DIAPH3: variants seen among roughly 807,000 people sequenced by gnomAD.
The protein encoded by DIAPH3 is protein diaphanous homolog 3.
In DIAPH3, 117 loss-of-function variants were observed where a neutral mutation model predicts 144.3. The observed-to-expected ratio is 0.81, with a 90% CI of 0.70 to 0.95. The LOEUF (loss-of-function observed/expected upper bound fraction) is 0.95, where lower values mean the gene tolerates loss of function less well. Among genes scored for constraint, DIAPH3 ranks in the 40% least tolerant of loss-of-function variants. DIAPH3 has a pLI of 0.00. For missense variants in DIAPH3, 1,421 were observed against 1,412.7 expected (o/e 1.01, Z -0.09); for synonymous variants, 519 against 488.9 (o/e 1.06, Z -0.81).
chr13:59,789,717 A>G (rs1332218722), intron 25 of DIAPH3, among the ~76,000 whole-genome samples: 4 of 152,140 alleles, frequency 2.6e-5, no homozygotes, highest in Non-Finnish European at 5.9e-5. Flanking sequence ...GCGCACTGGA[A>G]GAAGGGGAAA....
chr13:59,757,429 C>T (rs2037340420), intron 27 of DIAPH3, among the ~76,000 whole-genome samples: 2 of 100,914 alleles, frequency 2.0e-5, no homozygotes. Context: ...GAGATGGAGT[C>T]TTGCTCTGTC....
At chr13:59,775,341 T>C (rs1566291702) in intron 25 of DIAPH3, among the ~76,000 whole-genome samples, 1 of 152,060 alleles carries the variant, frequency 6.6e-6, no homozygotes, top group Non-Finnish European at 1.5e-5. Context: ...CTTCCAGGTT[T>C]ACGCCATCCT....
Position 60,145,475 on chromosome 13 carries a change from G to A in DIAPH3, c.181-12486C>T, listed in dbSNP as rs188384764. On this transcript the variant is annotated intron_variant, in intron 1 of 27. Transcript: ENST00000400324. ...ATCCTGGCTAACACAGTGAAACCCC[G>A]TCTCTACTAAAAAAAATACAAAAAA... is the stretch of plus-strand genomic sequence containing the variant. 2.2e-3 allele frequency among the ~76,000 whole-genome samples: 330 copies of A among 152,174 alleles called. 4 individuals are homozygous for A. Among genetic ancestry groups the A allele is most frequent in the African/African-American group, 7.6e-3 (315 of 41,508 alleles).
Position 60,163,632 on chromosome 13 carries a change from C to T in DIAPH3, c.135G>A (p.Pro45=). Residue 45 remains proline (P), a synonymous_variant, in exon 1 of 28, where the codon CCG becomes CCA. Coordinates refer to ENST00000400324, the MANE Select transcript of DIAPH3 (RefSeq NM_001042517.2). ...MPRRKGPQHP[P]PPSGPEEPGE... is the part of the protein sequence containing the mutation. The stretch of plus-strand genomic sequence containing the variant: ...CAGGCTCCTCGGGGCCACTGGGCGG[C>T]GGAGGGTGTTGGGGGCCCTTCCTGC... The T allele has an allele frequency of 1.2e-6, 2 of 1,605,398 alleles. No individual in the cohort carries two copies. Among genetic ancestry groups the T allele is most frequent in the Non-Finnish European group, 8.5e-7 (1 of 1,173,874 alleles).
At chr13:59,771,440 T>G (rs773027415) in intron 27 of DIAPH3, among the ~76,000 whole-genome samples, 1 of 152,138 alleles carries the variant, frequency 6.6e-6, no homozygotes, top group Non-Finnish European at 1.5e-5. Flanking sequence ...ATTATTTTCA[T>G]AATCCAAACC....
chr13:59,840,809 C>T (rs2042298838), intron 22 of DIAPH3, among the ~76,000 whole-genome samples: 1 of 93,014 alleles, frequency 1.1e-5, no homozygotes, highest in Non-Finnish European at 2.3e-5. Flanking sequence ...TGCATATTTT[C>T]TCAGTAGGTT....
chr13:59,828,007 C>G (rs1177740554), intron 24 of DIAPH3, among the ~76,000 whole-genome samples: 1 of 151,904 alleles, frequency 6.6e-6, no homozygotes, highest in African/African-American at 2.4e-5. Context: ...GAATCTAAAA[C>G]CAGTCACAAA....
chr13:59,998,435 A>T (rs2140876500), intron 9 of DIAPH3, among the ~76,000 whole-genome samples: 1 of 152,278 alleles, frequency 6.6e-6, no homozygotes, highest in Admixed American at 6.5e-5. Flanking sequence ...TCCAATACCC[A>T]GCATAGCCCA....
At chr13:59,684,864 T>C (rs1165112028) in intron 27 of DIAPH3, among the ~76,000 whole-genome samples, 1 of 152,318 alleles carries the variant, frequency 6.6e-6, no homozygotes, top group East Asian at 1.9e-4. Flanking sequence ...ATAGTATCGT[T>C]AAATTCCTGG....
chr13:59,837,127 A>G (rs551143496), intron 23 of DIAPH3, among the ~76,000 whole-genome samples: 3 of 152,190 alleles, frequency 2.0e-5, no homozygotes, highest in East Asian at 1.9e-4. Context: ...CTTTGTCAAT[A>G]GCAAAGTGCA....
chr13:59,821,855 T>A lies in DIAPH3; in HGVS notation c.3028-10932A>T, dbSNP rs532489574. Among the ~76,000 whole-genome samples, 3 of 152,318 alleles carry A rather than the reference T, an allele frequency of 2.0e-5. No homozygotes were observed. In the East Asian group the frequency reaches 5.8e-4, roughly 29 times the overall value. ...ACATTCAATATGCGTTGCTATTAGT[T>A]GAACTTTTTATGACCGTGAAACTTA... On this transcript the variant is annotated intron_variant, in intron 24 of 27. Coordinates refer to ENST00000400324, the MANE Select transcript of DIAPH3 (RefSeq NM_001042517.2).
chr13:59,839,586 AC>A, intron 22 of DIAPH3, 138 bp from the exon 23 acceptor site: 5 of 829,672 alleles, frequency 6.0e-6, no homozygotes, highest in Non-Finnish European at 8.6e-6. Context: ...AATAAATTTC[AC>A]TTTTAACCTT....
At chr13:59,776,594 C>A (rs56017018) in intron 25 of DIAPH3, among the ~76,000 whole-genome samples, 2 of 150,858 alleles carry the variant, frequency 1.3e-5, no homozygotes, top group African/African-American at 4.9e-5. Context: ...CAAATAGAAA[C>A]AAATAAACAT....
At chr13:59,729,886 A>G (rs1362309282) in intron 27 of DIAPH3, among the ~76,000 whole-genome samples, 1 of 137,060 alleles carries the variant, frequency 7.3e-6, no homozygotes, top group African/African-American at 2.8e-5. Flanking sequence ...ATCTTGGCTC[A>G]CTGTAGCCTT....
intron 27 of DIAPH3, among the ~76,000 whole-genome samples, chr13:59,711,934 G>A (rs2034768516): frequency 6.6e-6 from 1 of 152,144 alleles, no homozygotes; most frequent in Admixed American, 6.5e-5. Flanking sequence ...TTGGCATGAG[G>A]CAACCTGGCA....
chr13:59,709,299 G>A (rs911340164), intron 27 of DIAPH3, among the ~76,000 whole-genome samples: 1 of 152,032 alleles, frequency 6.6e-6, no homozygotes, highest in Non-Finnish European at 1.5e-5. Context: ...CCATCAGAGC[G>A]AACAGGCAAC....
At chr13:60,047,773 C>T (rs544031151) in intron 4 of DIAPH3, among the ~76,000 whole-genome samples, 1 of 152,166 alleles carries the variant, frequency 6.6e-6, no homozygotes, top group South Asian at 2.1e-4. Context: ...AATATTGTAC[C>T]TCATTAAATT....
In DIAPH3 at chr13:60,105,374, T is replaced by G. The variant is rs1166956260; in HGVS notation, c.390+6636A>C. Among the ~76,000 whole-genome samples the G allele has an allele frequency of 1.3e-5, 2 of 152,128 alleles. 1 individual carries two copies. Among genetic ancestry groups the G allele is most frequent in the Middle Eastern group, 6.3e-3 (2 of 316 alleles). The stretch of plus-strand genomic sequence containing the variant: ...AGCATGCTGAAATATTACCATAACA[T>G]TTACCCCTTTAAAATTCCTCCCTCT... On this transcript the variant is annotated intron_variant, in intron 3 of 27. Coordinates refer to ENST00000400324, the MANE Select transcript of DIAPH3 (RefSeq NM_001042517.2).
chr13:59,918,974 T>G (rs988964919), intron 18 of DIAPH3, among the ~76,000 whole-genome samples: 1 of 149,872 alleles, frequency 6.7e-6, no homozygotes, highest in Non-Finnish European at 1.5e-5. Context: ...CAGTATTTTT[T>G]AACAAAGAAA....
Sources: allele counts gnomAD v4.1 joint callset (sites outside exome capture counted in the v4.1 genomes callset), GRCh38; gene constraint gnomAD v4.1.1; transcripts MANE v1.5; gene names NCBI Gene and HGNC (gene_info 2026-07-23, HGNC 2026-07-21).